Variants in WASHC2A observed in about 807,000 individuals in gnomAD.
The protein encoded by WASHC2A is WASH complex subunit 2A.
In WASHC2A, 82 loss-of-function variants were observed where a neutral mutation model predicts 140.3. The observed-to-expected ratio is 0.58, with a 90% CI of 0.49 to 0.70. The LOEUF (loss-of-function observed/expected upper bound fraction) is 0.70. Ranked by LOEUF, WASHC2A falls within the 30% of genes least tolerant of loss-of-function variation. The pLI is 0.00. For missense variants in WASHC2A, 985 were observed against 1,521.8 expected, an observed-to-expected ratio of 0.65 and a Z score of 5.87; for synonymous variants, 340 against 560.8, an observed-to-expected ratio of 0.61 and a Z score of 5.56.
intron 7 of WASHC2A, among the ~76,000 whole-genome samples, chr10:50,086,361 G>A (rs1316282795): frequency 5.3e-5 from 8 of 151,474 alleles, no homozygotes; most frequent in African/African-American, 1.9e-4. Flanking sequence ...CCACCGATGT[G>A]GCACTTCTAT....
chr10:50,098,729 CTT>C (rs531541628), intron 16 of WASHC2A, among the ~76,000 whole-genome samples: 1 of 130,830 alleles, frequency 7.6e-6, no homozygotes. Flanking sequence ...CCTCCCACAT[CTT>C]TTTTTTTTTA....
chr10:50,106,101 G>A (rs1448479636), intron 18 of WASHC2A, among the ~76,000 whole-genome samples: 1 of 150,776 alleles, frequency 6.6e-6, no homozygotes, highest in Non-Finnish European at 1.5e-5. Flanking sequence ...TTGTTCTCCT[G>A]CTTATATGCA....
At chr10:50,091,965 G>T (rs568741239) in intron 10 of WASHC2A, among the ~76,000 whole-genome samples, 197 bp from the exon 11 acceptor site, 2 of 145,030 alleles carry the variant, frequency 1.4e-5, no homozygotes, top group Admixed American at 6.9e-5. Flanking sequence ...AAAGCAGAAG[G>T]CTTCTGCCTT....
chr10:50,075,711 C>A (rs1438357124), intron 3 of WASHC2A, among the ~76,000 whole-genome samples: 1 of 151,284 alleles, frequency 6.6e-6, no homozygotes, highest in African/African-American at 2.4e-5. Flanking sequence ...TAAAATCAGG[C>A]CTCCATGGAA....
intron 19 of WASHC2A, among the ~76,000 whole-genome samples, chr10:50,108,921 G>A (rs1268475876): frequency 2.0e-5 from 3 of 147,882 alleles, no homozygotes; most frequent in Non-Finnish European, 3.0e-5. Flanking sequence ...AAGAAGACCT[G>A]ACGAGTGCTG....
At chr10:50,086,396 G>A (rs1420980962) in intron 7 of WASHC2A, among the ~76,000 whole-genome samples, 2 of 151,772 alleles carry the variant, frequency 1.3e-5, no homozygotes, top group African/African-American at 2.4e-5. Flanking sequence ...ATAGTTGCTC[G>A]TAGCAACTAT....
intron 3 of WASHC2A, among the ~76,000 whole-genome samples, chr10:50,077,737 A>T (rs1230090664): frequency 2.0e-5 from 3 of 151,782 alleles, no homozygotes; most frequent in African/African-American, 7.3e-5. Flanking sequence ...CAGTGGTGCA[A>T]TCAGGGCTCA....
intron 3 of WASHC2A, among the ~76,000 whole-genome samples, chr10:50,077,150 CG>C (rs1838431612): frequency 6.6e-6 from 1 of 150,428 alleles, no homozygotes; most frequent in African/African-American, 2.4e-5. Flanking sequence ...ACAAATTAGC[CG>C]GGTGTGGTGG....
chr10:50,094,700 T>G (rs2132609444), intron 13 of WASHC2A, among the ~76,000 whole-genome samples: 1 of 151,816 alleles, frequency 6.6e-6, no homozygotes, highest in African/African-American at 2.4e-5. Context: ...CATCAGTGAC[T>G]TGCTTGGTTT....
Position 50,133,503 on chromosome 10 carries a change from A to T in WASHC2A, c.*558A>T, listed in dbSNP as rs1197780592. On this transcript the variant is annotated 3_prime_UTR_variant, in exon 31 of 31. Coordinates refer to ENST00000282633, the MANE Select transcript of WASHC2A (RefSeq NM_001005751.3). ...TGTTAATAAAATTTTATTGGAACACAACCACATTCATTTGTTTACTTACTG... is the reference window on the plus strand; with the variant it reads ...TGTTAATAAAATTTTATTGGAACACTACCACATTCATTTGTTTACTTACTG... 2.1e-6 allele frequency: 1 copy of T among 469,136 alleles called. No homozygotes were observed. Among genetic ancestry groups the T allele is most frequent in the Non-Finnish European group, 4.4e-6 (1 of 226,968 alleles). 29.1% of individuals were successfully genotyped at this position (469,136 alleles called of 1,614,324 possible). A position where few individuals can be genotyped will look rare whatever the true frequency, so the allele number is the denominator to read the frequency against.
intron 9 of WASHC2A, 71 bp downstream of exon 9, chr10:50,090,957 GACTT>G: frequency 6.5e-7 from 1 of 1,528,674 alleles, no homozygotes; most frequent in African/African-American, 1.4e-5. Context: ...TTTTTATTGT[GACTT>G]ACTTTGTACA....
At chr10:50,077,571 T>C (rs879955320) in intron 3 of WASHC2A, among the ~76,000 whole-genome samples, 3,317 of 152,250 alleles carry the variant, frequency 0.022, 60 homozygotes, top group Non-Finnish European at 0.034. Flanking sequence ...GTTTTTACTG[T>C]ACTCAAAGTT....
At position 50,068,024 on chromosome 10, in the gene WASHC2A, A is replaced by C. The variant is rs782068873; in HGVS notation, c.3+16A>C. The C allele has an allele frequency of 1.5e-5, 24 of 1,607,862 alleles. No individual in the cohort carries two copies. Among genetic ancestry groups the C allele is most frequent in the East Asian group, 1.1e-4 (5 of 44,788 alleles). ...GGCTAGGATGGTGAGGGCGCCGGGC[A>C]GGAGAGAGGCCGGCCTGGGCTGGGG... On this transcript the variant is annotated intron_variant, in intron 1 of 30. Coordinates refer to ENST00000282633, the MANE Select transcript of WASHC2A (RefSeq NM_001005751.3).
Position 50,127,210 on chromosome 10 carries a change from C to T in WASHC2A, c.2862C>T (p.Ile954=), listed in dbSNP as rs900566219. Residue 954 remains isoleucine, a synonymous_variant, in exon 27 of 31, where the codon ATC becomes ATT. Transcript: ENST00000282633. The stretch of plus-strand genomic sequence containing the variant: ...AAACCAAAGAACCATCCACTCGGAT[C>T]GGGAAGATACAAGTAATTAAAACAC... ...PFKTKEPSTR[I]GKIQANLAIN... 1.8e-3 allele frequency: 2,874 copies of T among 1,612,028 alleles called. 10 individuals are homozygous for T. Among genetic ancestry groups the T allele is most frequent in the South Asian group, 3.1e-3 (286 of 90,988 alleles).
intron 23 of WASHC2A, among the ~76,000 whole-genome samples, chr10:50,121,885 G>A (rs1157549312): frequency 3.4e-5 from 5 of 147,358 alleles, no homozygotes; most frequent in Non-Finnish European, 4.4e-5. Context: ...AAGACATCTC[G>A]TGTTTATGGA....
chr10:50,103,341 C>T (rs1290695723), intron 17 of WASHC2A, among the ~76,000 whole-genome samples: 1 of 151,672 alleles, frequency 6.6e-6, no homozygotes, highest in East Asian at 1.9e-4. Context: ...GGGCGGATCA[C>T]AAGGTCAGGA....
At chr10:50,070,738 A>G (rs1421028161) in intron 3 of WASHC2A, among the ~76,000 whole-genome samples, 1 of 138,968 alleles carries the variant, frequency 7.2e-6, no homozygotes, top group Admixed American at 7.4e-5. Context: ...TTGAAAAATA[A>G]CAAGTATTCG....
chr10:50,068,955 C>T lies in WASHC2A; in HGVS notation c.127-592C>T, dbSNP rs544135988. Among the ~76,000 whole-genome samples the T allele has an allele frequency of 2.1e-5, 3 of 144,384 alleles. 1 individual carries two copies. Among genetic ancestry groups the T allele is most frequent in the African/African-American group, 7.8e-5 (3 of 38,238 alleles). 94.7% of individuals were successfully genotyped at this position (144,384 alleles called of 152,430 possible). ...CTGGTCTGCAACTCCTGGACTCTAG[C>T]GATAACCCTGCCTCAGCCTCCCAAA... On this transcript the variant is annotated intron_variant, in intron 2 of 30. Coordinates refer to ENST00000282633, the MANE Select transcript of WASHC2A (RefSeq NM_001005751.3).
At chr10:50,111,613 T>A (rs1842294298) in intron 20 of WASHC2A, among the ~76,000 whole-genome samples, 1 of 152,368 alleles carries the variant, frequency 6.6e-6, no homozygotes, top group Admixed American at 6.5e-5. Context: ...GTATTGCCAG[T>A]TAGCATCGTG....
Sources: gnomAD v4.1 joint callset for allele counts (sites outside exome capture counted in the v4.1 genomes callset) on GRCh38, gnomAD v4.1.1 for gene constraint, MANE v1.5 for transcripts, NCBI Gene and HGNC (gene_info 2026-07-23, HGNC 2026-07-21) for gene names.